The following PINX1 variants were observed in gnomAD, a reference collection of about 807,000 sequenced individuals.
The protein encoded by PINX1 is PIN2 (TERF1) interacting telomerase inhibitor 1.
PINX1 carries 34 observed loss-of-function variants against 25.4 expected under a neutral mutation model. The observed-to-expected ratio is 1.34, with a 90% CI of 1.02 to 1.78. The LOEUF is 1.78. Ranked by LOEUF, PINX1 falls within the 40% of genes most tolerant of loss-of-function variation. The pLI is 0.00. For synonymous variants in PINX1, 197 were observed against 147.7 expected, an observed-to-expected ratio of 1.33 and a Z score of -2.42; for missense variants, 592 against 404.9, an observed-to-expected ratio of 1.46 and a Z score of -3.97.
At chr8:10,830,610 G>T (rs536291354) in intron 4 of PINX1, among the ~76,000 whole-genome samples, 12 of 152,152 alleles carry the variant, frequency 7.9e-5, no homozygotes, top group African/African-American at 2.9e-4. Context: ...AAACAAGAAT[G>T]TTTATAAAAA....
At chr8:10,779,979 G>A (rs890333609) in intron 6 of PINX1, among the ~76,000 whole-genome samples, 1 of 152,120 alleles carries the variant, frequency 6.6e-6, no homozygotes, top group African/African-American at 2.4e-5. Context: ...TAGATTGGAA[G>A]GAAGCTATTA....
chr8:10,822,378 T>TA (rs1359044979), intron 5 of PINX1, among the ~76,000 whole-genome samples: 1 of 152,242 alleles, frequency 6.6e-6, no homozygotes, highest in Non-Finnish European at 1.5e-5. Context: ...TTGATAAACT[T>TA]AGAGAAAACG....
chr8:10,806,510 A>G (rs1035832280), intron 6 of PINX1, among the ~76,000 whole-genome samples: 1 of 152,226 alleles, frequency 6.6e-6, no homozygotes, highest in Non-Finnish European at 1.5e-5. Flanking sequence ...GAAACAGTTT[A>G]TAACATTGTG....
chr8:10,800,415 G>C (rs1036240124), intron 6 of PINX1, among the ~76,000 whole-genome samples: 4 of 151,786 alleles, frequency 2.6e-5, no homozygotes, highest in South Asian at 2.1e-4. Context: ...TCTTGGTCAT[G>C]ATCATTCTAA....
At chr8:10,791,840 C>T (rs1801932722) in intron 6 of PINX1, among the ~76,000 whole-genome samples, 2 of 152,158 alleles carry the variant, frequency 1.3e-5, no homozygotes, top group Admixed American at 1.3e-4. Context: ...GTGGTGCTGC[C>T]GCGGTTCCTG....
At position 10,765,626 on chromosome 8, in the gene PINX1, G is replaced by T. The variant is rs530442735; in HGVS notation, c.762C>A (p.Ser254Arg). Reference protein sequence around the residue: ...EAQERVAKKKSAPAEEQLRGP... With the variant: ...EAQERVAKKKRAPAEEQLRGP... ...CTCTGAGCTGCTCTTCTGCTGGCGCGCTCTTCTTCTTGGCCACTCGCTCCT... is the reference window on the plus strand; with the variant it reads ...CTCTGAGCTGCTCTTCTGCTGGCGCTCTCTTCTTCTTGGCCACTCGCTCCT... The change falls in exon 7 of 7, where the codon AGC becomes AGA. Residue 254 changes from serine to arginine, a missense_variant. Ser to Arg is a moderately radical substitution (Grantham distance 110). Transcript: ENST00000314787. 43 of 1,613,732 alleles carry T rather than the reference G, an allele frequency of 2.7e-5. No individual in the cohort carries two copies. Among genetic ancestry groups the T allele is most frequent in the Non-Finnish European group, 3.6e-5 (42 of 1,179,840 alleles).
intron 6 of PINX1, among the ~76,000 whole-genome samples, chr8:10,818,838 G>A (rs540872101): frequency 1.3e-5 from 2 of 152,288 alleles, no homozygotes; most frequent in African/African-American, 2.4e-5. Context: ...ACACGGAGAC[G>A]ACTGAGAGAG....
intron 6 of PINX1, among the ~76,000 whole-genome samples, chr8:10,805,182 T>A (rs1430303511): frequency 6.6e-6 from 1 of 152,162 alleles, no homozygotes; most frequent in East Asian, 1.9e-4. Context: ...CAGGGGCAAG[T>A]TACCTGACCT....
chr8:10,821,799 A>C (rs1385843957), intron 5 of PINX1: 1 of 152,244 alleles, frequency 6.6e-6, no homozygotes, highest in Non-Finnish European at 1.5e-5. Context: ...TCTGGAATAG[A>C]GACACTCTAG....
intron 6 of PINX1, among the ~76,000 whole-genome samples, chr8:10,792,368 C>T (rs1034614269): frequency 6.6e-6 from 1 of 152,076 alleles, no homozygotes; most frequent in African/African-American, 2.4e-5. Flanking sequence ...AGGAACCCAC[C>T]TGAGAGGGAG....
chr8:10,765,192 G>A lies in PINX1; in HGVS notation c.*209C>T. On this transcript the variant is annotated 3_prime_UTR_variant, in exon 7 of 7. Transcript: ENST00000314787. ...TACAAAAAAATTTATTTGTGTCTGA[G>A]AGCCACGATTGAGAACATTAAAAAG... 1 of 534,576 alleles carries A rather than the reference G, an allele frequency of 1.9e-6. No individual in the cohort carries two copies. The highest frequency in any genetic ancestry group is 3.3e-6 in the Non-Finnish European group (1 of 306,604). The allele number at this position is 534,576 out of a possible 1,614,324, so 33.1% of individuals were successfully genotyped here. A position where few individuals can be genotyped will look rare whatever the true frequency, so the allele number is the denominator to read the frequency against.
chr8:10,774,676 T>C (rs1337775844), intron 6 of PINX1, among the ~76,000 whole-genome samples: 1 of 152,238 alleles, frequency 6.6e-6, no homozygotes, highest in African/African-American at 2.4e-5. Flanking sequence ...TGATTGTTTA[T>C]AAAAGAAAGG....
chr8:10,781,275 T>C lies in PINX1; in HGVS notation c.472-15359A>G, dbSNP rs534236481. Among the ~76,000 whole-genome samples the C allele has an allele frequency of 2.2e-4, 33 of 152,288 alleles. No homozygotes were observed. The East Asian group carries it at 6.4e-3, about 29-fold the overall frequency. ...GAAGAAAACACAGGAGAAAAGTTCC[T>C]TGACACTGCTTTTGGCAATAATGTG... On this transcript the variant is annotated intron_variant, in intron 6 of 6. Coordinates refer to ENST00000314787, the MANE Select transcript of PINX1 (RefSeq NM_017884.6).
intron 6 of PINX1, among the ~76,000 whole-genome samples, chr8:10,819,663 CTT>C (rs1797805537): frequency 6.6e-6 from 1 of 152,194 alleles, no homozygotes; most frequent in South Asian, 2.1e-4. Flanking sequence ...CCATTCTTTT[CTT>C]CTAGTTGTAA....
At chr8:10,826,800 C>CGGG (rs1798063920) in intron 4 of PINX1, among the ~76,000 whole-genome samples, 13 of 152,166 alleles carry the variant, frequency 8.5e-5, no homozygotes, top group Admixed American at 2.0e-4. Flanking sequence ...GACAAAACTA[C>CGGG]AGAGAGAGAG....
At chr8:10,811,008 C>T (rs1256353312) in intron 6 of PINX1, among the ~76,000 whole-genome samples, 1 of 152,190 alleles carries the variant, frequency 6.6e-6, no homozygotes, top group African/African-American at 2.4e-5. Flanking sequence ...TATTATTGGC[C>T]ATTTTAAACT....
intron 6 of PINX1, among the ~76,000 whole-genome samples, chr8:10,767,363 C>A (rs971063587): frequency 6.6e-6 from 1 of 152,112 alleles, no homozygotes; most frequent in Admixed American, 6.5e-5. Flanking sequence ...GACAATTGGG[C>A]CTTCAGTGGC....
chr8:10,776,226 G>C (rs1400314479), intron 6 of PINX1, among the ~76,000 whole-genome samples: 2 of 151,996 alleles, frequency 1.3e-5, no homozygotes, highest in Non-Finnish European at 2.9e-5. Context: ...AGGAGTTCGA[G>C]ACCAGCCTGG....
At chr8:10,836,779 T>C (rs1462471020) in intron 1 of PINX1, among the ~76,000 whole-genome samples, 3 of 152,306 alleles carry the variant, frequency 2.0e-5, no homozygotes, top group South Asian at 2.1e-4. Context: ...AACTTTACTA[T>C]GCAAATGTGC....
Sources: allele counts gnomAD v4.1 joint callset (sites outside exome capture counted in the v4.1 genomes callset), GRCh38; gene constraint gnomAD v4.1.1; transcripts MANE v1.5; gene names NCBI Gene and HGNC (gene_info 2026-07-23, HGNC 2026-07-21).